Variants in CCDC192 observed in about 807,000 individuals in gnomAD.
CCDC192 encodes the protein coiled-coil domain-containing protein 192.
chr5:127,719,534 C>CATACATACATATATAT (rs1561444958), intron 2 of CCDC192, among the ~76,000 whole-genome samples: 2 of 42,266 alleles, frequency 4.7e-5, no homozygotes, highest in African/African-American at 8.3e-5. Flanking sequence ...TACACACATA[C>CATACATACATATATAT]ATATATATAT....
At chr5:127,856,028 G>A (rs1751074152) in intron 5 of CCDC192, among the ~76,000 whole-genome samples, 1 of 152,216 alleles carries the variant, frequency 6.6e-6, no homozygotes, top group Non-Finnish European at 1.5e-5. Context: ...AAGAGAGTGA[G>A]CCTGCCCCTT....
In CCDC192 at chr5:127,755,294, T is replaced by G. The variant is rs73783964; in HGVS notation, c.222+919T>G. Among the ~76,000 whole-genome samples, 542 of 152,296 alleles carry G rather than the reference T, an allele frequency of 3.6e-3. 2 individuals are homozygous for G. The highest frequency in any genetic ancestry group is 0.013 in the African/African-American group (521 of 41,554). The stretch of plus-strand genomic sequence containing the variant: ...AGTCTCCCTGTATAGTGAAACCTAA[T>G]TGCATCAGAATTTTAGCGGAAACTA... On this transcript the variant is annotated intron_variant, in intron 3 of 6. Transcript: ENST00000514853.
chr5:127,764,103 T>A (rs2126894731), intron 3 of CCDC192, among the ~76,000 whole-genome samples: 1 of 152,320 alleles, frequency 6.6e-6, no homozygotes, highest in African/African-American at 2.4e-5. Flanking sequence ...AATTCATTAC[T>A]TGTCCCTTTT....
chr5:127,781,235 T>G (rs1756201206), intron 3 of CCDC192, among the ~76,000 whole-genome samples: 1 of 152,196 alleles, frequency 6.6e-6, no homozygotes, highest in Admixed American at 6.5e-5. Context: ...GACTATGGCC[T>G]TATAGTATAG....
intron 5 of CCDC192, among the ~76,000 whole-genome samples, chr5:127,808,315 C>T (rs1387938765): frequency 2.0e-5 from 3 of 151,954 alleles, no homozygotes; most frequent in African/African-American, 7.3e-5. Context: ...TGGCTTCTCA[C>T]TTAGTATATC....
intron 5 of CCDC192, among the ~76,000 whole-genome samples, chr5:127,824,749 G>A (rs116362809): frequency 0.022 from 3,281 of 152,196 alleles, 127 homozygotes; most frequent in African/African-American, 0.076. Flanking sequence ...TCACCTCAGC[G>A]TGCCTTGCCT....
chr5:127,933,069 T>C (rs1397486218), intron 6 of CCDC192, among the ~76,000 whole-genome samples: 2 of 152,168 alleles, frequency 1.3e-5, no homozygotes, highest in Non-Finnish European at 2.9e-5. Flanking sequence ...GATAAGAACA[T>C]GCCAGGCCTG....
intron 6 of CCDC192, among the ~76,000 whole-genome samples, chr5:127,902,284 T>C (rs1337933055): frequency 1.3e-5 from 2 of 150,766 alleles, no homozygotes; most frequent in South Asian, 2.1e-4. Flanking sequence ...CTCAAAATAA[T>C]AATAATAATA....
chr5:127,767,994 C>G (rs1755327694), intron 3 of CCDC192, among the ~76,000 whole-genome samples: 1 of 152,146 alleles, frequency 6.6e-6, no homozygotes. Flanking sequence ...TGGCTCACTC[C>G]TGTAATCCCA....
chr5:127,833,942 A>T (rs1161918540), intron 5 of CCDC192, among the ~76,000 whole-genome samples: 3 of 152,152 alleles, frequency 2.0e-5, no homozygotes, highest in Admixed American at 6.6e-5. Context: ...AGAAAATGGA[A>T]ATCATAATGA....
chr5:127,886,113 A>G (rs533407635), intron 6 of CCDC192, among the ~76,000 whole-genome samples: 11 of 152,272 alleles, frequency 7.2e-5, no homozygotes, highest in African/African-American at 2.6e-4. Context: ...GCTTTTCTTA[A>G]TCCCAGAAAC....
intron 5 of CCDC192, among the ~76,000 whole-genome samples, chr5:127,852,934 C>CA (rs1309463034): frequency 6.6e-6 from 1 of 152,000 alleles, no homozygotes; most frequent in East Asian, 1.9e-4. Flanking sequence ...CTGAAAAATA[C>CA]AAAAAATTAG....
intron 3 of CCDC192, chr5:127,786,429 A>G (rs113353533): frequency 2.7e-5 from 17 of 624,932 alleles, no homozygotes; most frequent in African/African-American, 2.2e-4. Flanking sequence ...CTCCAATTCC[A>G]TGTAACACTG....
intron 6 of CCDC192, among the ~76,000 whole-genome samples, chr5:127,930,077 C>T (rs1045878444): frequency 6.6e-6 from 1 of 152,100 alleles, no homozygotes; most frequent in Non-Finnish European, 1.5e-5. Flanking sequence ...GTGGCGCATG[C>T]CCATAATCCC....
chr5:127,850,631 G>T (rs1450741467), intron 5 of CCDC192, among the ~76,000 whole-genome samples: 1 of 152,132 alleles, frequency 6.6e-6, no homozygotes, highest in Non-Finnish European at 1.5e-5. Flanking sequence ...ACAGGAAAGG[G>T]CAGGGAGAAT....
At position 127,825,640 on chromosome 5, in the gene CCDC192, C is replaced by T. The variant is rs191391991; in HGVS notation, c.411+27478C>T. ...CTGACAGGTCTCTAACTGCTCCAAACATATACATTCTTCCTTTTATTTATA... is the reference window on the plus strand; with the variant it reads ...CTGACAGGTCTCTAACTGCTCCAAATATATACATTCTTCCTTTTATTTATA... On this transcript the variant is annotated intron_variant, in intron 5 of 6. Transcript: ENST00000514853. Among the ~76,000 whole-genome samples, 47 of 152,332 alleles carry T rather than the reference C, an allele frequency of 3.1e-4. No individual in the cohort carries two copies. In the East Asian group the frequency reaches 7.1e-3, roughly 23 times the overall value.
intron 5 of CCDC192, among the ~76,000 whole-genome samples, chr5:127,861,735 C>T (rs986880446): frequency 2.3e-5 from 2 of 85,126 alleles, no homozygotes; most frequent in African/African-American, 7.7e-5. Context: ...GCATTTAAAC[C>T]ATATGAGTTA....
chr5:127,810,036 G>T (rs1757993716), intron 5 of CCDC192, among the ~76,000 whole-genome samples: 1 of 152,182 alleles, frequency 6.6e-6, no homozygotes, highest in Non-Finnish European at 1.5e-5. Context: ...CAATTTGAAA[G>T]ATGTTCTCCA....
intron 2 of CCDC192, among the ~76,000 whole-genome samples, chr5:127,743,955 A>G (rs924414604): frequency 2.0e-5 from 3 of 151,788 alleles, no homozygotes; most frequent in Non-Finnish European, 4.4e-5. Context: ...TTAGCCAGGC[A>G]TGGTGGCGGG....
Sources: allele counts gnomAD v4.1 joint callset (sites outside exome capture counted in the v4.1 genomes callset), GRCh38; gene constraint gnomAD v4.1.1; transcripts MANE v1.5; gene names NCBI Gene and HGNC (gene_info 2026-07-23, HGNC 2026-07-21).